Variants in PNPLA7 observed in about 807,000 individuals in gnomAD.
PNPLA7 encodes patatin-like phospholipase domain-containing protein 7.
In PNPLA7, 153 loss-of-function variants were observed where a neutral mutation model predicts 161.7. That is an observed-to-expected ratio of 0.95 (90% CI 0.83 to 1.08). The LOEUF (loss-of-function observed/expected upper bound fraction) is 1.08, where lower values mean the gene tolerates loss of function less well. PNPLA7 is among the 50% of genes least tolerant of loss of function. The pLI is 0.00. For synonymous variants in PNPLA7, 809 were observed against 782.1 expected, an observed-to-expected ratio of 1.03 and a Z score of -0.57; for missense variants, 1,739 against 1,856.6, an observed-to-expected ratio of 0.94 and a Z score of 1.16.
At chr9:137,498,416 C>G (rs558815941) in intron 16 of PNPLA7, among the ~76,000 whole-genome samples, 171 bp from the exon 17 acceptor site, 1 of 152,258 alleles carries the variant, frequency 6.6e-6, no homozygotes, top group Non-Finnish European at 1.5e-5. Context: ...GCCTGCCCCA[C>G]GGCACAGCAC....
intron 23 of PNPLA7, chr9:137,479,938 G>C: frequency 3.1e-6 from 3 of 973,136 alleles, no homozygotes; most frequent in Non-Finnish European, 3.7e-6. Context: ...AAAGCAGTGA[G>C]AGGAACAGGA....
At chr9:137,480,825 A>T (rs1222870348) in intron 22 of PNPLA7, 135 bp downstream of exon 22, 1 of 1,010,006 alleles carries the variant, frequency 9.9e-7, no homozygotes, top group Non-Finnish European at 1.5e-6. Context: ...GAGTCACGTC[A>T]TCAGCCCTCA....
Position 137,497,266 on chromosome 9 carries a change from C to G in PNPLA7, c.1934G>C (p.Arg645Pro). The G allele has an allele frequency of 6.3e-7, 1 of 1,588,838 alleles. No homozygotes were observed. Among genetic ancestry groups the G allele is most frequent in the Non-Finnish European group, 8.6e-7 (1 of 1,168,400 alleles). Residue 645 changes from arginine to proline, a missense_variant, in exon 18 of 35, where the codon CGG becomes CCG. By Grantham distance (103) the Arg-to-Pro change is moderately radical. Around this residue, in one of 6 missense-constraint regions of PNPLA7, gnomAD observed 481 missense variants for 450.0 expected, o/e 1.07. Coordinates refer to ENST00000406427, the MANE Select transcript of PNPLA7 (RefSeq NM_001098537.3). ...ATCCTTCCGGATCACAGAGCGCAGC[C>G]GGCCGCTGAGCATGATGTACGTGCA... The part of the protein sequence containing the change: ...SDCTYIMLSG[R>P]LRSVIRKDDG...
In PNPLA7 at chr9:137,461,996, G is replaced by A. The variant is rs112464757; in HGVS notation, c.3691C>T (p.Arg1231Cys). ...AGCATCTTCTCCAGCACGCCGCTGC[G>A]GCCCCAGATGTCAAACACCGTGCGC... is the stretch of plus-strand genomic sequence containing the variant. Reference protein sequence around the residue: ...HGRTVFDIWGRSGVLEKMLRD... With the variant: ...HGRTVFDIWGCSGVLEKMLRD... Residue 1231 changes from arginine to cysteine, a missense_variant, in exon 32 of 35, where the codon CGC becomes TGC. By Grantham distance (180) the Arg-to-Cys change is radical. Transcript: ENST00000406427. 12 of 1,603,286 alleles carry A rather than the reference G, an allele frequency of 7.5e-6. No individual in the cohort carries two copies. Among genetic ancestry groups the A allele is most frequent in the East Asian group, 4.5e-5 (2 of 44,320 alleles).
Position 137,460,675 on chromosome 9 carries a change from C to A in PNPLA7, c.3904G>T (p.Ala1302Ser), listed in dbSNP as rs375176295. Residue 1302 changes from alanine to serine, a missense_variant, in exon 34 of 35, where the codon GCA (alanine) becomes TCA (serine). Transcript: ENST00000406427. ...ELLDVPRDAYADFQSTSAQQG... is the reference protein window; with the variant it reads ...ELLDVPRDAYSDFQSTSAQQG... ...TGGGCTGAGGTGCTCTGGAAGTCTG[C>A]GTATGCATCCCTGGGGACGTCCAGC... 8 of 1,612,732 alleles carry A rather than the reference C, an allele frequency of 5.0e-6. No homozygotes were observed. The African/African-American group carries it at 6.7e-5, about 13-fold the overall frequency.
In PNPLA7 at chr9:137,520,770, C is replaced by T. The variant is rs1307077081; in HGVS notation, c.958-727G>A. On this transcript the variant is annotated intron_variant, in intron 10 of 34. Transcript: ENST00000406427. The surrounding 1 kb of genome is among the most constrained non-coding windows in gnomAD (Gnocchi z 5.2). ...TCACACCGCCAGGAGGAGGGAGAGCCGGGGTTGACAGCCTTGTGCCCTTGA... is the reference window on the plus strand; with the variant it reads ...TCACACCGCCAGGAGGAGGGAGAGCTGGGGTTGACAGCCTTGTGCCCTTGA... 2.0e-5 allele frequency among the ~76,000 whole-genome samples: 3 copies of T among 152,200 alleles called. No individual in the cohort carries two copies. The highest frequency in any genetic ancestry group is 6.5e-5 in the Admixed American group (1 of 15,274).
In PNPLA7 at chr9:137,460,641, G is replaced by C; in HGVS notation, c.3938C>G (p.Ser1313Ter). ...CCATGCCCAGCTCCTCACCAAGTCT[G>C]AGCCCTGCTGGGCTGAGGTGCTCTG... ...DFQSTSAQQG[S>*]DLEDESSLRH... The change falls in exon 34 of 35, where the codon TCA (serine) becomes TGA (stop). Residue 1313 changes from serine to a stop codon, truncating the protein, a stop_gained. Transcript: ENST00000406427. LOFTEE classifies it low-confidence loss of function (END_TRUNC). The C allele has an allele frequency of 6.2e-7, 1 of 1,612,252 alleles. No individual in the cohort carries two copies. Among genetic ancestry groups the C allele is most frequent in the Non-Finnish European group, 8.5e-7 (1 of 1,179,628 alleles).
At chr9:137,489,516 A>G (rs1832667636) in intron 20 of PNPLA7, among the ~76,000 whole-genome samples, 2 of 151,258 alleles carry the variant, frequency 1.3e-5, no homozygotes, top group South Asian at 4.3e-4. Context: ...GATCTGAACC[A>G]GAGGAGTAAA....
In PNPLA7 at chr9:137,480,499, G is replaced by A. The variant is rs1832161452; in HGVS notation, c.2412-19C>T. ...GTGAACACTGCAGCACGCAGAGGGA[G>A]TACCTCACTACTCCGCAGGGGCCTG... On this transcript the variant is annotated intron_variant, in intron 22 of 34. Coordinates refer to ENST00000406427, the MANE Select transcript of PNPLA7 (RefSeq NM_001098537.3). 1.9e-6 allele frequency: 3 copies of A among 1,593,298 alleles called. No homozygotes were observed. The highest frequency in any genetic ancestry group is 1.7e-6 in the Non-Finnish European group (2 of 1,166,730).
chr9:137,547,724 C>A lies in PNPLA7; in HGVS notation c.31-65G>T. On this transcript the variant is annotated intron_variant, in intron 1 of 34. Coordinates refer to ENST00000406427, the MANE Select transcript of PNPLA7 (RefSeq NM_001098537.3). The surrounding 1 kb of genome is among the most constrained non-coding windows in gnomAD (Gnocchi z 4.6). ...CTTCCCAGCCCGAACTTGTTCAGAG[C>A]AGCAGGAGGAGAGCTGGGAGTTAGG... The A allele has an allele frequency of 6.8e-7, 1 of 1,469,716 alleles. No individual in the cohort carries two copies. The highest frequency in any genetic ancestry group is 9.5e-7 in the Non-Finnish European group (1 of 1,050,216). 91.0% of individuals were successfully genotyped at this position (1,469,716 alleles called of 1,614,324 possible). A position where few individuals can be genotyped will look rare whatever the true frequency, so the allele number is the denominator to read the frequency against.
Position 137,547,495 on chromosome 9 carries a change from G to A in PNPLA7, c.105+90C>T, listed in dbSNP as rs931467309. ...CCCTGGCTGCCCAACCACAGGCTGG[G>A]CAGGAATGAGCCAGGGGATGGGGAC... On this transcript the variant is annotated intron_variant, in intron 2 of 34. Coordinates refer to ENST00000406427, the MANE Select transcript of PNPLA7 (RefSeq NM_001098537.3). The surrounding 1 kb of genome is among the most constrained non-coding windows in gnomAD (Gnocchi z 4.6). 3.8e-6 allele frequency: 6 copies of A among 1,591,318 alleles called. No homozygotes were observed. In the African/African-American group the frequency reaches 5.4e-5, roughly 14 times the overall value.
intron 12 of PNPLA7, among the ~76,000 whole-genome samples, chr9:137,514,941 G>C (rs901243884): frequency 2.6e-5 from 4 of 152,188 alleles, no homozygotes; most frequent in Admixed American, 6.5e-5. Flanking sequence ...GGGTCACCCG[G>C]CTGTTGAGGT....
chr9:137,468,653 GC>G lies in PNPLA7; in HGVS notation c.2883-1181del, dbSNP rs1389403962. On this transcript the variant is annotated intron_variant, in intron 25 of 34. Transcript: ENST00000406427. The surrounding 1 kb of genome is among the most constrained non-coding windows in gnomAD (Gnocchi z 4.0). ...GGTGGGAGGTAACTGGATCATGGGG[GC>G]AGATTTGAGGTGGGAAGACGTCAAA... Among the ~76,000 whole-genome samples, 1 of 152,062 alleles carries G rather than the reference GC, an allele frequency of 6.6e-6. No homozygotes were observed. The highest frequency in any genetic ancestry group is 1.5e-5 in the Non-Finnish European group (1 of 68,018).
In PNPLA7 at chr9:137,522,806, TGGACGGGATGGCCGCGC is replaced by T; in HGVS notation, c.782_798del (p.Arg261HisfsTer15). 2.5e-6 allele frequency: 4 copies of T among 1,613,810 alleles called. No homozygotes were observed. The highest frequency in any genetic ancestry group is 2.5e-6 in the Non-Finnish European group (3 of 1,179,988). ...GCCGCAGCTGGAAGCCGGAGGATGG[TGGACGGGATGGCCGCGC>T]GGACGGAGACCGTTTTGTAAGGTGC... On this transcript the variant is annotated frameshift_variant, in exon 9 of 35. Transcript: ENST00000406427. LOFTEE classifies it high-confidence loss of function.
chr9:137,478,162 G>A lies in PNPLA7; in HGVS notation c.2764-10C>T. 1 of 1,283,492 alleles carries A rather than the reference G, an allele frequency of 7.8e-7. No individual in the cohort carries two copies. Among genetic ancestry groups the A allele is most frequent in the Non-Finnish European group, 9.9e-7 (1 of 1,005,314 alleles). The allele number at this position is 1,283,492 out of a possible 1,614,324, so 79.5% of individuals were successfully genotyped here. A position where few individuals can be genotyped will look rare whatever the true frequency, so the allele number is the denominator to read the frequency against. On this transcript the variant is annotated splice_polypyrimidine_tract_variant and intron_variant, in intron 24 of 34. Coordinates refer to ENST00000406427, the MANE Select transcript of PNPLA7 (RefSeq NM_001098537.3). ...GCTTGTACATCTCCACCTGGGGGAGGAGCCGTCAGGCAGGGCTGGTGCAGG... is the reference window on the plus strand; with the variant it reads ...GCTTGTACATCTCCACCTGGGGGAGAAGCCGTCAGGCAGGGCTGGTGCAGG...
Position 137,461,617 on chromosome 9 carries a change from G to A in PNPLA7, c.3760C>T (p.Leu1254Phe). ...GPSKKPASAV[L>F]TCPNASFTDL... The stretch of plus-strand genomic sequence containing the variant: ...GTGAAGGAGGCGTTGGGACAGGTGA[G>A]GACCTAGGGGTGGGGTGAGGACAGC... Residue 1254 changes from leucine (L) to phenylalanine (F), a missense_variant, in exon 33 of 35, where the codon CTC (leucine) becomes TTC (phenylalanine). Coordinates refer to ENST00000406427, the MANE Select transcript of PNPLA7 (RefSeq NM_001098537.3). 1 of 1,610,996 alleles carries A rather than the reference G, an allele frequency of 6.2e-7. No homozygotes were observed. Among genetic ancestry groups the A allele is most frequent in the Non-Finnish European group, 8.5e-7 (1 of 1,178,600 alleles).
At chr9:137,533,669 C>A (rs1228198484) in intron 8 of PNPLA7, among the ~76,000 whole-genome samples, 3 of 149,476 alleles carry the variant, frequency 2.0e-5, no homozygotes, top group African/African-American at 7.4e-5. Flanking sequence ...GGAGCACTCC[C>A]AGACTCCTGA....
chr9:137,514,204 G>T (rs1460846915), intron 12 of PNPLA7, among the ~76,000 whole-genome samples: 1 of 148,306 alleles, frequency 6.7e-6, no homozygotes, highest in Non-Finnish European at 1.5e-5. Context: ...CTGGGCTGCA[G>T]GCGGGTCACT....
chr9:137,527,479 G>C (rs1405807057), intron 8 of PNPLA7, among the ~76,000 whole-genome samples: 1 of 152,104 alleles, frequency 6.6e-6, no homozygotes. Flanking sequence ...GCTGAATTTT[G>C]TCAAATACTT....
Sources: gnomAD v4.1 joint callset for allele counts (sites outside exome capture counted in the v4.1 genomes callset) on GRCh38, gnomAD v4.1.1 for gene constraint, gnomAD v4.1.1 regional missense constraint, Gnocchi (gnomAD v3.1) non-coding constraint, MANE v1.5 for transcripts, NCBI Gene and HGNC (gene_info 2026-07-23, HGNC 2026-07-21) for gene names.